PCDHGA4: variants seen among roughly 807,000 people sequenced by gnomAD.
PCDHGA4 encodes the protein protocadherin gamma-A4.
PCDHGA4 carries 38 observed loss-of-function variants against 54.6 expected under a neutral mutation model. The ratio of observed to expected loss-of-function variants is 0.70; its 90% CI spans 0.54 to 0.91. The LOEUF is 0.91. Among genes scored for constraint, PCDHGA4 ranks in the 40% least tolerant of loss-of-function variants. The pLI, the probability that PCDHGA4 is intolerant of heterozygous loss-of-function variation, is 0.00. For missense variants in PCDHGA4, 1,298 were observed against 1,220.9 expected, an observed-to-expected ratio of 1.06 and a Z score of -0.94; for synonymous variants, 511 against 512.9, an observed-to-expected ratio of 1.00 and a Z score of 0.05.
At chr5:141,358,425 C>G (rs17097227) in intron 1 of PCDHGA4, among the ~76,000 whole-genome samples, 21,407 of 152,038 alleles carry the variant, frequency 0.14, 2,091 homozygotes, top group African/African-American at 0.28. Flanking sequence ...AGGGTATTTT[C>G]CATTATAACA....
At position 141,432,942 on chromosome 5, in the gene PCDHGA4, C is replaced by G. The variant is rs1346694514; in HGVS notation, c.2515-61865C>G. ...CACAAGTCACGCCTGCTGCAGGCTT[C>G]AGGAGGCGGCTTGACAGGAGCGCCG... On this transcript the variant is annotated intron_variant, in intron 1 of 3. Coordinates refer to ENST00000571252, the MANE Select transcript of PCDHGA4 (RefSeq NM_018917.4). The surrounding 1 kb of genome is among the most constrained non-coding windows in gnomAD (Gnocchi z 6.0). The G allele has an allele frequency of 1.2e-6, 2 of 1,614,190 alleles. No individual in the cohort carries two copies. Among genetic ancestry groups the G allele is most frequent in the Non-Finnish European group, 1.7e-6 (2 of 1,180,036 alleles).
intron 1 of PCDHGA4, among the ~76,000 whole-genome samples, chr5:141,468,131 C>A (rs1006565854): frequency 1.3e-5 from 2 of 151,650 alleles, no homozygotes; most frequent in South Asian, 4.2e-4. Context: ...TTGAGACCAG[C>A]CTGGCCAACA....
Position 141,376,227 on chromosome 5 carries a change from G to T in PCDHGA4, c.2514+18606G>T, listed in dbSNP as rs1210093854. On this transcript the variant is annotated intron_variant, in intron 1 of 3. Coordinates refer to ENST00000571252, the MANE Select transcript of PCDHGA4 (RefSeq NM_018917.4). ...TTCGTCATCGTGCTGCTGGCGCTCA[G>T]ACTGCAGCGCTGGCACAAGTCACGC... The T allele has an allele frequency of 4.3e-6, 7 of 1,614,216 alleles. No homozygotes were observed. The South Asian group carries it at 7.7e-5, about 18-fold the overall frequency.
At chr5:141,392,922 G>A (rs2092629176) in intron 1 of PCDHGA4, 1 of 1,613,946 alleles carries the variant, frequency 6.2e-7, no homozygotes, top group African/African-American at 1.3e-5. Context: ...CTCTGTGCCA[G>A]AAGAGACGGA....
intron 2 of PCDHGA4, among the ~76,000 whole-genome samples, chr5:141,504,741 T>C (rs968590796): frequency 2.6e-5 from 4 of 151,826 alleles, no homozygotes; most frequent in South Asian, 2.1e-4. Context: ...TAGGAAGCCA[T>C]TGAATTTTAG....
intron 1 of PCDHGA4, chr5:141,396,067 T>C (rs924469652): frequency 6.6e-6 from 1 of 152,222 alleles, no homozygotes; most frequent in African/African-American, 2.4e-5. Context: ...GCTGTTTCGG[T>C]TGTGCATTGA....
intron 1 of PCDHGA4, chr5:141,384,258 C>T: frequency 6.2e-7 from 1 of 1,613,896 alleles, no homozygotes; most frequent in Non-Finnish European, 8.5e-7. Flanking sequence ...CCACCTTCCC[C>T]CACTCATCCT....
In PCDHGA4 at chr5:141,356,149, A is replaced by G. The variant is rs778376727; in HGVS notation, c.1042A>G (p.Ile348Val). 40 of 1,613,418 alleles carry G rather than the reference A, an allele frequency of 2.5e-5. No homozygotes were observed. Among genetic ancestry groups the G allele is most frequent in the Non-Finnish European group, 3.2e-5 (38 of 1,179,666 alleles). The change falls in exon 1 of 4, where the codon ATA becomes GTA. Residue 348 changes from isoleucine (I) to valine (V), a missense_variant. Transcript: ENST00000571252. ...LDYEDSGFYD[I>V]DVEAHDGPGL... ...TTATGAGGACTCTGGATTCTATGAC[A>G]TAGATGTAGAAGCCCATGATGGGCC...
intron 1 of PCDHGA4, chr5:141,400,348 C>T (rs745917638): frequency 1.9e-6 from 3 of 1,614,050 alleles, no homozygotes; most frequent in South Asian, 1.1e-5. Context: ...CAACTACAGT[C>T]AGGGGACTTT....
At chr5:141,411,425 A>AC (rs971774943) in intron 1 of PCDHGA4, 58 of 150,512 alleles carry the variant, frequency 3.9e-4, no homozygotes, top group African/African-American at 1.4e-3. Flanking sequence ...AACAACAACA[A>AC]AAAAAAACAT....
In PCDHGA4 at chr5:141,458,391, C is replaced by G. The variant is rs534396279; in HGVS notation, c.2515-36416C>G. 5.9e-5 allele frequency among the ~76,000 whole-genome samples: 9 copies of G among 152,126 alleles called. No homozygotes were observed. In the South Asian group the frequency reaches 1.0e-3, roughly 18 times the overall value. ...GGAGAAGAGAGAAGGAAGACGCTCCCCCTTGCAGAGACGGAGCGGGGGTTC... is the reference window on the plus strand; with the variant it reads ...GGAGAAGAGAGAAGGAAGACGCTCCGCCTTGCAGAGACGGAGCGGGGGTTC... On this transcript the variant is annotated intron_variant, in intron 1 of 3. Coordinates refer to ENST00000571252, the MANE Select transcript of PCDHGA4 (RefSeq NM_018917.4).
chr5:141,356,690 A>G lies in PCDHGA4; in HGVS notation c.1583A>G (p.Gln528Arg). Residue 528 changes from glutamine (Q) to arginine (R), a missense_variant, in exon 1 of 4, where the codon CAG becomes CGG. Gln to Arg is a conservative substitution (Grantham distance 43). Transcript: ENST00000571252. The stretch of plus-strand genomic sequence containing the variant: ...TACTCCCTGGCCGAAGACACCTTCC[A>G]GGGTGCACCTCTGTCCTCCTATGTC... Reference protein sequence around the residue: ...ITYSLAEDTFQGAPLSSYVSI... With the variant: ...ITYSLAEDTFRGAPLSSYVSI... 1 of 1,614,024 alleles carries G rather than the reference A, an allele frequency of 6.2e-7. No individual in the cohort carries two copies. Among genetic ancestry groups the G allele is most frequent in the Non-Finnish European group, 8.5e-7 (1 of 1,179,884 alleles).
intron 1 of PCDHGA4, chr5:141,418,551 T>A (rs766987131): frequency 1.2e-6 from 2 of 1,614,026 alleles, no homozygotes; most frequent in South Asian, 2.2e-5. Context: ...ATAAGAATCC[T>A]GGTAATAGAT....
At position 141,487,611 on chromosome 5, in the gene PCDHGA4, T is replaced by C. The variant is rs1215704705; in HGVS notation, c.2515-7196T>C. ...CCACCCTCTGATCTTCTCTATGGGCTAGAGGTGAGACCTTTGCAGGCTCAA... is the reference window on the plus strand; with the variant it reads ...CCACCCTCTGATCTTCTCTATGGGCCAGAGGTGAGACCTTTGCAGGCTCAA... On this transcript the variant is annotated intron_variant, in intron 1 of 3. Transcript: ENST00000571252. This position sits in a 1 kb window ranked among gnomAD's most constrained non-coding sequence, Gnocchi z 5.0. The C allele has an allele frequency of 1.2e-6, 2 of 1,614,206 alleles. No homozygotes were observed. The highest frequency in any genetic ancestry group is 1.7e-6 in the Non-Finnish European group (2 of 1,180,036).
rs764843194 is a variant in PCDHGA4 at position 141,490,530 on chromosome 5, T to A, written c.2515-4277T>A. 1.2e-6 allele frequency: 2 copies of A among 1,613,794 alleles called. No individual in the cohort carries two copies. Among genetic ancestry groups the A allele is most frequent in the African/African-American group, 2.7e-5 (2 of 74,846 alleles). ...TCGAGCTGCTGGCCAGCGATGCTGG[T>A]TCACCTTCCCTACACAAACATCTCA... On this transcript the variant is annotated intron_variant, in intron 1 of 3. Coordinates refer to ENST00000571252, the MANE Select transcript of PCDHGA4 (RefSeq NM_018917.4). This position sits in a 1 kb window ranked among gnomAD's most constrained non-coding sequence, Gnocchi z 5.4.
intron 1 of PCDHGA4, chr5:141,359,946 T>C: frequency 1.9e-6 from 1 of 524,822 alleles, no homozygotes; most frequent in East Asian, 3.2e-5. Context: ...TCGCTGTTGG[T>C]CAAAAGAACG....
chr5:141,383,695 G>C (rs373055594), intron 1 of PCDHGA4: 3 of 1,613,974 alleles, frequency 1.9e-6, no homozygotes, highest in Non-Finnish European at 2.5e-6. Context: ...CACGGTACAT[G>C]CTATCGACCT....
rs907427230 is a variant in PCDHGA4, at chr5:141,489,936, G to A, written c.2515-4871G>A. 4 of 1,614,096 alleles carry A rather than the reference G, an allele frequency of 2.5e-6. No homozygotes were observed. In the African/African-American group the frequency reaches 5.3e-5, roughly 22 times the overall value. ...GGACCACCCTTATCTCTGTCATCGT[G>A]CTGGACATCAATGATAATGCTCCAA... is the stretch of plus-strand genomic sequence containing the variant. On this transcript the variant is annotated intron_variant, in intron 1 of 3. Coordinates refer to ENST00000571252, the MANE Select transcript of PCDHGA4 (RefSeq NM_018917.4). This position sits in a 1 kb window ranked among gnomAD's most constrained non-coding sequence, Gnocchi z 4.5.
intron 1 of PCDHGA4, chr5:141,403,197 G>T: frequency 6.2e-7 from 1 of 1,613,986 alleles, no homozygotes; most frequent in Non-Finnish European, 8.5e-7. Flanking sequence ...CCGCGCAGCG[G>T]CACCTTGGTC....
Sources: allele counts gnomAD v4.1 joint callset (sites outside exome capture counted in the v4.1 genomes callset), GRCh38; gene constraint gnomAD v4.1.1; non-coding constraint Gnocchi (gnomAD v3.1); transcripts MANE v1.5; gene names NCBI Gene and HGNC (gene_info 2026-07-23, HGNC 2026-07-21).